The following GXYLT2 variants were observed in gnomAD, a reference collection of about 807,000 sequenced individuals.
GXYLT2 encodes glucoside xylosyltransferase 2, also known as glycosyltransferase 8 domain containing 4.
A neutral mutation model predicts 45.8 loss-of-function variants in GXYLT2; 53 were observed. The observed-to-expected ratio is 1.16, with a 90% CI of 0.93 to 1.46. GXYLT2 has a LOEUF of 1.46. Ranked by LOEUF, GXYLT2 falls within the 40% of genes most tolerant of loss-of-function variation. The pLI is 0.00. For synonymous variants in GXYLT2, 219 were observed against 214.2 expected, an observed-to-expected ratio of 1.02 and a Z score of -0.19; for missense variants, 551 against 544.4, an observed-to-expected ratio of 1.01 and a Z score of -0.12.
At chr3:72,925,196 G>A (rs550266570) in intron 3 of GXYLT2, among the ~76,000 whole-genome samples, 11 of 145,206 alleles carry the variant, frequency 7.6e-5, no homozygotes, top group Middle Eastern at 3.6e-3. Context: ...TCACTCTGTC[G>A]CCCAGGCTGG....
At chr3:72,888,537 C>A (rs1709113241) in intron 1 of GXYLT2, 29 bp downstream of exon 1, 3 of 1,195,754 alleles carry the variant, frequency 2.5e-6, no homozygotes, top group African/African-American at 1.6e-5. Context: ...AGAATCCCAT[C>A]TGCGGACCCG....
rs568723840 is a variant in GXYLT2, at chr3:72,968,724, G to A, written c.1149+1005G>A. Among the ~76,000 whole-genome samples the A allele has an allele frequency of 2.6e-5, 4 of 152,242 alleles. 1 individual carries two copies. The highest frequency in any genetic ancestry group is 3.9e-4 in the East Asian group (2 of 5,158). On this transcript the variant is annotated intron_variant, in intron 6 of 6. Coordinates refer to ENST00000389617, the MANE Select transcript of GXYLT2 (RefSeq NM_001080393.2). ...AGGTGGATCACGAGGTCAGGAGTTCGAGACCAGCCTGGCCAATATGGTGAA... is the reference window on the plus strand; with the variant it reads ...AGGTGGATCACGAGGTCAGGAGTTCAAGACCAGCCTGGCCAATATGGTGAA...
intron 2 of GXYLT2, among the ~76,000 whole-genome samples, chr3:72,919,976 G>T (rs1709802267): frequency 6.6e-6 from 1 of 152,168 alleles, no homozygotes; most frequent in African/African-American, 2.4e-5. Context: ...CTTATCAGTT[G>T]TAACAAATAT....
chr3:72,975,257 C>A lies in GXYLT2; in HGVS notation c.*98C>A. On this transcript the variant is annotated 3_prime_UTR_variant, in exon 7 of 7. Coordinates refer to ENST00000389617, the MANE Select transcript of GXYLT2 (RefSeq NM_001080393.2). ...CTTTTTGTGTGAATATTTAATGGTGCTCCATGACTGTTGAGTTTTAAAAAC... is the reference window on the plus strand; with the variant it reads ...CTTTTTGTGTGAATATTTAATGGTGATCCATGACTGTTGAGTTTTAAAAAC... The A allele has an allele frequency of 2.4e-6, 2 of 839,766 alleles. No individual in the cohort carries two copies. Among genetic ancestry groups the A allele is most frequent in the Non-Finnish European group, 3.5e-6 (2 of 575,436 alleles). 52.0% of individuals were successfully genotyped at this position (839,766 alleles called of 1,614,324 possible).
chr3:72,933,022 T>C (rs1284888796), intron 3 of GXYLT2, among the ~76,000 whole-genome samples: 1 of 152,248 alleles, frequency 6.6e-6, no homozygotes, highest in African/African-American at 2.4e-5. Flanking sequence ...GCCTATCTCA[T>C]AGTGTTGTGA....
intron 3 of GXYLT2, among the ~76,000 whole-genome samples, chr3:72,948,764 G>A (rs1285906527): frequency 6.6e-6 from 1 of 151,346 alleles, no homozygotes; most frequent in Non-Finnish European, 1.5e-5. Flanking sequence ...TTGAACCTGG[G>A]AGGTGGAGGT....
At chr3:72,897,025 A>G (rs2107062576) in intron 1 of GXYLT2, among the ~76,000 whole-genome samples, 1 of 152,246 alleles carries the variant, frequency 6.6e-6, no homozygotes, top group African/African-American at 2.4e-5. Flanking sequence ...AATAGTAATA[A>G]TGATGATGAT....
chr3:72,943,853 C>A (rs1438550214), intron 3 of GXYLT2, among the ~76,000 whole-genome samples: 1 of 147,926 alleles, frequency 6.8e-6, no homozygotes, highest in Non-Finnish European at 1.5e-5. Context: ...TTGAGAGCAT[C>A]ATTTTTTTTT....
intron 3 of GXYLT2, among the ~76,000 whole-genome samples, chr3:72,943,034 A>T (rs1030875291): frequency 6.6e-6 from 1 of 152,186 alleles, no homozygotes; most frequent in Non-Finnish European, 1.5e-5. Flanking sequence ...CTCTTCTGTA[A>T]ATTTAAAATG....
intron 1 of GXYLT2, among the ~76,000 whole-genome samples, chr3:72,901,554 CTTTTTTTTTTTTT>C (rs71124002): frequency 2.6e-5 from 2 of 77,170 alleles, no homozygotes; most frequent in African/African-American, 5.8e-5. Context: ...AACATTTTCG[CTTTTTTTTTTTTT>C]TTTTTTTTTT....
intron 2 of GXYLT2, among the ~76,000 whole-genome samples, chr3:72,913,330 G>A (rs1415859134): frequency 2.6e-5 from 4 of 151,302 alleles, no homozygotes; most frequent in East Asian, 2.0e-4. Context: ...GAGCCACCGC[G>A]CCCGGCCTCC....
intron 2 of GXYLT2, among the ~76,000 whole-genome samples, chr3:72,917,356 T>G (rs557787055): frequency 3.9e-5 from 6 of 152,290 alleles, no homozygotes; most frequent in Middle Eastern, 3.4e-3. Flanking sequence ...TGGTCAGTAC[T>G]GTCATACTGA....
chr3:72,957,211 T>C lies in GXYLT2; in HGVS notation c.853-18T>C. ...ATTTGCTTTGCTTCAGCTGTTCTGATGGTTTTCTTTTTTCCAGAACAGCAT... is the reference window on the plus strand; with the variant it reads ...ATTTGCTTTGCTTCAGCTGTTCTGACGGTTTTCTTTTTTCCAGAACAGCAT... On this transcript the variant is annotated intron_variant, in intron 4 of 6. Coordinates refer to ENST00000389617, the MANE Select transcript of GXYLT2 (RefSeq NM_001080393.2). 1 of 1,601,320 alleles carries C rather than the reference T, an allele frequency of 6.2e-7. No individual in the cohort carries two copies. Among genetic ancestry groups the C allele is most frequent in the African/African-American group, 1.4e-5 (1 of 73,944 alleles).
chr3:72,955,898 C>T (rs1468491627), intron 4 of GXYLT2, among the ~76,000 whole-genome samples: 2 of 152,034 alleles, frequency 1.3e-5, no homozygotes, highest in South Asian at 2.1e-4. Context: ...ACCAACATGG[C>T]GAAACCCTGT....
intron 1 of GXYLT2, among the ~76,000 whole-genome samples, chr3:72,903,582 A>G (rs1350321112): frequency 6.6e-6 from 1 of 152,144 alleles, no homozygotes; most frequent in East Asian, 1.9e-4. Context: ...GTGAGTTGGG[A>G]GTCTGCAAAA....
chr3:72,967,844 G>A (rs1044299040), intron 6 of GXYLT2, 125 bp downstream of exon 6: 6 of 742,916 alleles, frequency 8.1e-6, no homozygotes, highest in African/African-American at 1.7e-5. Context: ...AGTTATTCCC[G>A]ACCTCAGTCA....
In GXYLT2 at chr3:72,895,836, T is replaced by C. The variant is rs543862751; in HGVS notation, c.275+7328T>C. On this transcript the variant is annotated intron_variant, in intron 1 of 6. Coordinates refer to ENST00000389617, the MANE Select transcript of GXYLT2 (RefSeq NM_001080393.2). ...GTGCCAGAAAAGAGTAACCTTGATA[T>C]ATTTCAAGTGACTTTTAGATGATCC... is the stretch of plus-strand genomic sequence containing the variant. 7.9e-5 allele frequency among the ~76,000 whole-genome samples: 12 copies of C among 152,360 alleles called. No homozygotes were observed. In the South Asian group the frequency reaches 2.5e-3, roughly 32 times the overall value.
At chr3:72,942,126 G>A (rs9883480) in intron 3 of GXYLT2, among the ~76,000 whole-genome samples, 3,944 of 152,108 alleles carry the variant, frequency 0.026, 149 homozygotes, top group African/African-American at 0.09. Context: ...TATTGGAAGA[G>A]GTAGGAGCCA....
At chr3:72,903,282 G>A (rs1029022276) in intron 1 of GXYLT2, among the ~76,000 whole-genome samples, 1 of 152,198 alleles carries the variant, frequency 6.6e-6, no homozygotes, top group Admixed American at 6.5e-5. Flanking sequence ...GAGATGGCTA[G>A]GGTAGTGTTT....
Sources: allele counts gnomAD v4.1 joint callset (sites outside exome capture counted in the v4.1 genomes callset), GRCh38; gene constraint gnomAD v4.1.1; transcripts MANE v1.5; gene names NCBI Gene and HGNC (gene_info 2026-07-23, HGNC 2026-07-21).